ARHGAP28: variants seen among roughly 807,000 people sequenced by gnomAD.
The protein encoded by ARHGAP28 is rho GTPase-activating protein 28.
In ARHGAP28, 56 loss-of-function variants were observed where a neutral mutation model predicts 90.7. That is an observed-to-expected ratio of 0.62 (90% CI 0.50 to 0.77). ARHGAP28 has a LOEUF of 0.77. ARHGAP28 is among the 30% of genes least tolerant of loss of function. The pLI, the probability that ARHGAP28 is intolerant of heterozygous loss-of-function variation, is 0.00. For synonymous variants in ARHGAP28, 308 were observed against 323.3 expected (o/e 0.95, Z 0.51); for missense variants, 869 against 900.9 (o/e 0.96, Z 0.45).
intron 3 of ARHGAP28, among the ~76,000 whole-genome samples, chr18:6,848,021 T>G (rs9948467): frequency 6.6e-6 from 1 of 151,892 alleles, no homozygotes; most frequent in East Asian, 1.9e-4. Flanking sequence ...CAGGTTTTTA[T>G]TGGGGGTTGA....
At chr18:6,828,638 T>C (rs553660644) in intron 2 of ARHGAP28, among the ~76,000 whole-genome samples, 14 of 152,350 alleles carry the variant, frequency 9.2e-5, no homozygotes, top group South Asian at 2.1e-4. Context: ...TTCTTCTGCA[T>C]ATGGCTGGCC....
chr18:6,796,726 T>G (rs1189882359), intron 1 of ARHGAP28, among the ~76,000 whole-genome samples: 1 of 152,228 alleles, frequency 6.6e-6, no homozygotes, highest in Non-Finnish European at 1.5e-5. Context: ...TGAACCTATT[T>G]GGCAAATTCC....
intron 1 of ARHGAP28, among the ~76,000 whole-genome samples, chr18:6,783,789 C>T (rs1484903722): frequency 6.6e-6 from 1 of 152,194 alleles, no homozygotes; most frequent in Non-Finnish European, 1.5e-5. Context: ...GAAAGTGAGA[C>T]TGGGATGTTT....
intron 1 of ARHGAP28, among the ~76,000 whole-genome samples, chr18:6,818,106 G>A (rs767380558): frequency 2.0e-4 from 31 of 152,122 alleles, no homozygotes; most frequent in Non-Finnish European, 3.8e-4. Context: ...TTCACTCCTC[G>A]TAACAGCCCC....
rs144724545 is a variant in ARHGAP28, at chr18:6,806,422, G to T, written c.123-18340G>T. On this transcript the variant is annotated intron_variant, in intron 1 of 17. Coordinates refer to ENST00000383472, the MANE Select transcript of ARHGAP28 (RefSeq NM_001366230.1). ...AAGAAAAAGATTAGTGAATTTGTAG[G>T]CAAAAGCAGTAGAAACTTTCCAAAA... Among the ~76,000 whole-genome samples the T allele has an allele frequency of 2.1e-3, 326 of 151,836 alleles. 1 individual carries two copies. Among genetic ancestry groups the T allele is most frequent in the African/African-American group, 7.7e-3 (317 of 41,414 alleles).
chr18:6,849,720 A>G (rs2056894763), intron 3 of ARHGAP28, among the ~76,000 whole-genome samples: 1 of 152,044 alleles, frequency 6.6e-6, no homozygotes, highest in African/African-American at 2.4e-5. Flanking sequence ...CCTCCCTAAA[A>G]CTTATTCCTT....
At chr18:6,869,253 C>CTTTTTTTTTTTTTTTTTTTTTTTTTT (rs61280250) in intron 6 of ARHGAP28, among the ~76,000 whole-genome samples, 2 of 68,040 alleles carry the variant, frequency 2.9e-5, no homozygotes, top group Non-Finnish European at 5.5e-5. Context: ...TTTTGCCATT[C>CTTTTTTTTTTTTTTTTTTTTTTTTTT]TTTTTTTTTT....
chr18:6,909,140 G>A, intron 17 of ARHGAP28, 116 bp downstream of exon 17: 2 of 633,522 alleles, frequency 3.2e-6, no homozygotes, highest in Non-Finnish European at 2.7e-6. Flanking sequence ...CTAAAAATCA[G>A]TAGGTTTCTG....
At position 6,871,387 on chromosome 18, in the gene ARHGAP28, T is replaced by C. The variant is rs117907465; in HGVS notation, c.954+655T>C. On this transcript the variant is annotated intron_variant, in intron 7 of 17. Coordinates refer to ENST00000383472, the MANE Select transcript of ARHGAP28 (RefSeq NM_001366230.1). ...CCCTACCTTTACACACTTGTGCCTC[T>C]ATAAGCCACATATCAGAAGAGGGGA... is the stretch of plus-strand genomic sequence containing the variant. 5.3e-3 allele frequency among the ~76,000 whole-genome samples: 814 copies of C among 152,324 alleles called. 5 individuals carry two copies. Among genetic ancestry groups the C allele is most frequent in the South Asian group, 8.7e-3 (42 of 4,830 alleles).
chr18:6,902,297 T>C (rs1037960287), intron 16 of ARHGAP28, among the ~76,000 whole-genome samples: 1 of 152,336 alleles, frequency 6.6e-6, no homozygotes, highest in South Asian at 2.1e-4. Context: ...AAATGTACTA[T>C]ATTAATATTA....
chr18:6,771,842 G>C (rs2056245417), intron 1 of ARHGAP28, among the ~76,000 whole-genome samples: 1 of 152,180 alleles, frequency 6.6e-6, no homozygotes, highest in Non-Finnish European at 1.5e-5. Flanking sequence ...TATGTAGTTA[G>C]ATAAAAGGTT....
chr18:6,732,734 G>C (rs973653272), intron 1 of ARHGAP28, among the ~76,000 whole-genome samples: 13 of 152,092 alleles, frequency 8.5e-5, no homozygotes, highest in African/African-American at 3.1e-4. Context: ...AGTTCCTCAG[G>C]CTTGAGGTCA....
In ARHGAP28 at chr18:6,766,613, T is replaced by C. The variant is rs2056201899; in HGVS notation, c.122+36670T>C. 2.0e-5 allele frequency among the ~76,000 whole-genome samples: 3 copies of C among 152,146 alleles called. No individual in the cohort carries two copies. The South Asian group carries it at 6.2e-4, about 32-fold the overall frequency. On this transcript the variant is annotated intron_variant, in intron 1 of 17. Transcript: ENST00000383472. ...GGCAGTTTCTGCTGGGGGATCTCTG[T>C]AGGCCTGGCTGAGACTTTTGGGGAC...
At chr18:6,847,961 C>T (rs149323999) in intron 3 of ARHGAP28, among the ~76,000 whole-genome samples, 26 of 152,106 alleles carry the variant, frequency 1.7e-4, no homozygotes, top group African/African-American at 6.3e-4. Flanking sequence ...ATTAATTCCT[C>T]CAGCAACAAA....
chr18:6,809,582 GGA>G (rs1157377122), intron 1 of ARHGAP28, among the ~76,000 whole-genome samples: 1 of 152,084 alleles, frequency 6.6e-6, no homozygotes, highest in Admixed American at 6.5e-5. Flanking sequence ...ATGGCCAGCA[GGA>G]GAGAGAGAAA....
chr18:6,901,181 A>G (rs2057336353), intron 16 of ARHGAP28, among the ~76,000 whole-genome samples: 1 of 152,226 alleles, frequency 6.6e-6, no homozygotes, highest in Admixed American at 6.5e-5. Flanking sequence ...CAAGGCTTAG[A>G]ACATCAAAAA....
intron 5 of ARHGAP28, among the ~76,000 whole-genome samples, chr18:6,867,820 A>C (rs1281269133): frequency 1.3e-5 from 2 of 152,220 alleles, no homozygotes; most frequent in Non-Finnish European, 2.9e-5. Context: ...ACATCTTAGC[A>C]AAGGTATAAG....
chr18:6,791,534 CT>C (rs2056406297), intron 1 of ARHGAP28: 1 of 152,136 alleles, frequency 6.6e-6, no homozygotes, highest in Non-Finnish European at 1.5e-5. Context: ...TGGGACATGA[CT>C]AAAACTGACT....
intron 4 of ARHGAP28, among the ~76,000 whole-genome samples, chr18:6,856,457 A>C (rs2056954567): frequency 6.6e-6 from 1 of 152,208 alleles, no homozygotes; most frequent in African/African-American, 2.4e-5. Flanking sequence ...ATAACTTACA[A>C]ACTGTAAGTG....
Sources: gnomAD v4.1 joint callset for allele counts (sites outside exome capture counted in the v4.1 genomes callset) on GRCh38, gnomAD v4.1.1 for gene constraint, MANE v1.5 for transcripts, NCBI Gene and HGNC (gene_info 2026-07-23, HGNC 2026-07-21) for gene names.